SLC45A3: variants seen among roughly 807,000 people sequenced by gnomAD.
SLC45A3 encodes prostate cancer associated protein 2.
A neutral mutation model predicts 35.3 loss-of-function variants in SLC45A3; 17 were observed. That is an observed-to-expected ratio of 0.48 (90% CI 0.33 to 0.72). The LOEUF is 0.72. Ranked by LOEUF, SLC45A3 falls within the 30% of genes least tolerant of loss-of-function variation. The pLI is 0.02. For missense variants in SLC45A3, 597 were observed against 731.7 expected (o/e 0.82, Z 2.12); for synonymous variants, 288 against 334.3 (o/e 0.86, Z 1.51).
chr1:205,670,953 C>A (rs1553248196), intron 1 of SLC45A3, among the ~76,000 whole-genome samples: 1 of 152,320 alleles, frequency 6.6e-6, no homozygotes, highest in Admixed American at 6.5e-5. Context: ...TGTGTGAAAA[C>A]CCAACAGGTG....
At chr1:205,660,786 C>A (rs1452620201) in intron 4 of SLC45A3, among the ~76,000 whole-genome samples, 1 of 152,114 alleles carries the variant, frequency 6.6e-6, no homozygotes, top group Non-Finnish European at 1.5e-5. Context: ...TGCCAGCCCC[C>A]TGCCCCCAGC....
Position 205,664,974 on chromosome 1 carries a change from G to A in SLC45A3, c.-230-88C>T. 3 of 1,182,228 alleles carry A rather than the reference G, an allele frequency of 2.5e-6. No individual in the cohort carries two copies. Among genetic ancestry groups the A allele is most frequent in the Non-Finnish European group, 3.2e-6 (3 of 949,998 alleles). The allele number at this position is 1,182,228 out of a possible 1,614,324, so 73.2% of individuals were successfully genotyped here. On this transcript the variant is annotated intron_variant, in intron 1 of 4. Coordinates refer to ENST00000367145, the MANE Select transcript of SLC45A3 (RefSeq NM_033102.3). The surrounding 1 kb of genome is among the most constrained non-coding windows in gnomAD (Gnocchi z 5.3). ...ATTTGCTCTAAATTGTCTGGATCCTGATCATTCACAGGCTGGCGACTGGCC... is the reference window on the plus strand; with the variant it reads ...ATTTGCTCTAAATTGTCTGGATCCTAATCATTCACAGGCTGGCGACTGGCC...
In SLC45A3 at chr1:205,663,087, G is replaced by A; in HGVS notation, c.704C>T (p.Pro235Leu). 6.2e-7 allele frequency: 1 copy of A among 1,602,146 alleles called. No homozygotes were observed. The highest frequency in any genetic ancestry group is 1.1e-5 in the South Asian group (1 of 90,410). Residue 235 changes from proline to leucine, a missense_variant, in exon 3 of 5, where the codon CCC (proline) becomes CTC (leucine). Physicochemically the swap from Pro to Leu is moderately conservative, Grantham distance 98. Coordinates refer to ENST00000367145, the MANE Select transcript of SLC45A3 (RefSeq NM_033102.3). ...PTEPAEGLSAPSLSPHCCPCR... is the reference protein window; with the variant it reads ...PTEPAEGLSALSLSPHCCPCR... ...TGGACAGCAGTGGGGCGACAAGGAG[G>A]GGGCCGACAGCCCTTCTGCTGGCTC...
intron 4 of SLC45A3, 55 bp downstream of exon 4, chr1:205,661,806 C>G: frequency 1.3e-6 from 2 of 1,565,050 alleles, no homozygotes; most frequent in South Asian, 2.4e-5. Context: ...AGTTGGCCTC[C>G]CAAAAACCCA....
chr1:205,670,832 G>A, intron 1 of SLC45A3, among the ~76,000 whole-genome samples: 1 of 152,096 alleles, frequency 6.6e-6, no homozygotes, highest in East Asian at 1.9e-4. Context: ...TCCGGCTCCT[G>A]AGCCCGTCAC....
rs192618485 is a variant in SLC45A3 at position 205,674,432 on chromosome 1, C to T, written c.-231+5962G>A. Among the ~76,000 whole-genome samples, 397 of 151,374 alleles carry T rather than the reference C, an allele frequency of 2.6e-3. 2 individuals carry two copies. The South Asian group carries it at 0.029, about 11-fold the overall frequency. ...TAAAACCTCATCTCTACTAAAAATA[C>T]AAAAATTAGCTGGGTGTGGTGGCAC... On this transcript the variant is annotated intron_variant, in intron 1 of 4. Transcript: ENST00000367145.
In SLC45A3 at chr1:205,659,169, C is replaced by T; in HGVS notation, c.*65G>A. ...CGGCCAGCCCGGCAGCCCCATGGGG[C>T]TAACAGGAGCGGGGAGCTGGGACCC... On this transcript the variant is annotated 3_prime_UTR_variant, in exon 5 of 5. Coordinates refer to ENST00000367145, the MANE Select transcript of SLC45A3 (RefSeq NM_033102.3). This position sits in a 1 kb window ranked among gnomAD's most constrained non-coding sequence, Gnocchi z 5.8. 1 of 1,521,826 alleles carries T rather than the reference C, an allele frequency of 6.6e-7. No individual in the cohort carries two copies. The highest frequency in any genetic ancestry group is 8.9e-7 in the Non-Finnish European group (1 of 1,124,202). 94.3% of individuals were successfully genotyped at this position (1,521,826 alleles called of 1,614,324 possible). A position where few individuals can be genotyped will look rare whatever the true frequency, so the allele number is the denominator to read the frequency against.
chr1:205,674,210 T>C (rs1299282152), intron 1 of SLC45A3, among the ~76,000 whole-genome samples: 1 of 66,122 alleles, frequency 1.5e-5, no homozygotes, highest in Admixed American at 1.6e-4. Flanking sequence ...AATATAGGGG[T>C]GGGGGTGGGG....
rs2102401211 is a variant in SLC45A3, at chr1:205,659,098, G to A, written c.*136C>T. The A allele has an allele frequency of 1.1e-6, 1 of 872,122 alleles. No homozygotes were observed. The highest frequency in any genetic ancestry group is 1.7e-5 in the African/African-American group (1 of 58,874). The allele number at this position is 872,122 out of a possible 1,614,324, so 54.0% of individuals were successfully genotyped here. A position where few individuals can be genotyped will look rare whatever the true frequency, so the allele number is the denominator to read the frequency against. On this transcript the variant is annotated 3_prime_UTR_variant, in exon 5 of 5. Coordinates refer to ENST00000367145, the MANE Select transcript of SLC45A3 (RefSeq NM_033102.3). The surrounding 1 kb of genome is among the most constrained non-coding windows in gnomAD (Gnocchi z 5.8). The stretch of plus-strand genomic sequence containing the variant: ...TGCAGCTACGCACCTCAGCAGCACA[G>A]GGTGGCAGCAGAGAGCCACATTACT...
chr1:205,661,954 C>T lies in SLC45A3; in HGVS notation c.1131G>A (p.Val377=), dbSNP rs1298129388. 1 of 1,614,178 alleles carries T rather than the reference C, an allele frequency of 6.2e-7. No homozygotes were observed. Among genetic ancestry groups the T allele is most frequent in the Non-Finnish European group, 8.5e-7 (1 of 1,180,038 alleles). ...GATCLSHSVA[V]VTASAALTGF... is the part of the protein sequence containing the mutation. ...CGGTGAGGGCGGCTGAAGCTGTCAC[C>T]ACGGCCACACTGTGGGACAGGCATG... Residue 377 remains valine, a synonymous_variant, in exon 4 of 5, where the codon GTG becomes GTA. Coordinates refer to ENST00000367145, the MANE Select transcript of SLC45A3 (RefSeq NM_033102.3).
chr1:205,663,062 T>A lies in SLC45A3; in HGVS notation c.729A>T (p.Pro243=). The part of the protein sequence containing the change: ...SAPSLSPHCC[P]CRARLAFRNL... ...TCCGGAAAGCCAAGCGGGCCCGGCA[T>A]GGACAGCAGTGGGGCGACAAGGAGG... The change falls in exon 3 of 5, where the codon CCA becomes CCT. Residue 243 remains proline (P), a synonymous_variant. Transcript: ENST00000367145. 1 of 1,606,552 alleles carries A rather than the reference T, an allele frequency of 6.2e-7. No homozygotes were observed. Among genetic ancestry groups the A allele is most frequent in the Non-Finnish European group, 8.5e-7 (1 of 1,175,502 alleles).
intron 1 of SLC45A3, among the ~76,000 whole-genome samples, chr1:205,670,658 T>A (rs1671196166): frequency 6.6e-6 from 1 of 152,206 alleles, no homozygotes. Flanking sequence ...GCCTTCTGCT[T>A]AGCAGCTTGT....
chr1:205,663,008 G>C lies in SLC45A3; in HGVS notation c.783C>G (p.His261Gln). The change falls in exon 3 of 5, where the codon CAC becomes CAG. Residue 261 changes from histidine (H) to glutamine (Q), a missense_variant. His to Gln is a conservative substitution (Grantham distance 24). This residue lies in a region of SLC45A3 where 555 missense variants were observed against 664.9 expected (regional missense o/e 0.83). Coordinates refer to ENST00000367145, the MANE Select transcript of SLC45A3 (RefSeq NM_033102.3). ...TGCGGGGCATGCGGCAGCACAGCTG[G>C]TGCAGCCGGGGAAGCAGGGCGCCCA... ...RNLGALLPRL[H>Q]QLCCRMPRTL... 5.0e-6 allele frequency: 8 copies of C among 1,611,964 alleles called. No homozygotes were observed. The highest frequency in any genetic ancestry group is 6.8e-6 in the Non-Finnish European group (8 of 1,179,008).
chr1:205,662,525 A>G lies in SLC45A3; in HGVS notation c.958+308T>C. 1 of 1,293,000 alleles carries G rather than the reference A, an allele frequency of 7.7e-7. No homozygotes were observed. The highest frequency in any genetic ancestry group is 9.8e-7 in the Non-Finnish European group (1 of 1,021,816). 80.1% of individuals were successfully genotyped at this position (1,293,000 alleles called of 1,614,324 possible). A position where few individuals can be genotyped will look rare whatever the true frequency, so the allele number is the denominator to read the frequency against. ...CAGAGGGCACACTGCGGCTGGAACC[A>G]GGCAGATCTGAAATCCAGCCTTAAC... On this transcript the variant is annotated intron_variant, in intron 3 of 4. Coordinates refer to ENST00000367145, the MANE Select transcript of SLC45A3 (RefSeq NM_033102.3). The surrounding 1 kb of genome is among the most constrained non-coding windows in gnomAD (Gnocchi z 6.2).
chr1:205,679,477 C>T (rs972455596), intron 1 of SLC45A3, among the ~76,000 whole-genome samples: 4 of 152,096 alleles, frequency 2.6e-5, no homozygotes, highest in Non-Finnish European at 5.9e-5. Context: ...AGGGAGAAAG[C>T]ATGCAGGTCC....
chr1:205,676,883 C>T (rs1671322083), intron 1 of SLC45A3, among the ~76,000 whole-genome samples: 1 of 152,156 alleles, frequency 6.6e-6, no homozygotes, highest in South Asian at 2.1e-4. Flanking sequence ...AGACACTGGG[C>T]CTGGTACCAG....
intron 1 of SLC45A3, among the ~76,000 whole-genome samples, chr1:205,667,962 T>C (rs1201622030): frequency 6.6e-6 from 1 of 152,122 alleles, no homozygotes; most frequent in African/African-American, 2.4e-5. Flanking sequence ...CCAGAGATTC[T>C]TTACCTGGTA....
intron 1 of SLC45A3, among the ~76,000 whole-genome samples, chr1:205,679,436 C>A (rs1215646129): frequency 6.6e-6 from 1 of 152,026 alleles, no homozygotes; most frequent in Non-Finnish European, 1.5e-5. Context: ...CTGGGGGGAG[C>A]GGAAGACTAC....
chr1:205,663,341 G>A lies in SLC45A3; in HGVS notation c.450C>T (p.Leu150=). 1.2e-6 allele frequency: 2 copies of A among 1,613,444 alleles called. No homozygotes were observed. The highest frequency in any genetic ancestry group is 1.7e-5 in the Admixed American group (1 of 60,036). The part of the protein sequence containing the change: ...FTPLEALLSD[L]FRDPDHCRQA... ...GGCGACAGTGGTCCGGGTCCCGGAA[G>A]AGGTCAGAGAGCAGGGCCTCCAGTG... Residue 150 remains leucine, a synonymous_variant, in exon 3 of 5, where the codon CTC becomes CTT. Coordinates refer to ENST00000367145, the MANE Select transcript of SLC45A3 (RefSeq NM_033102.3).
Sources: allele counts gnomAD v4.1 joint callset (sites outside exome capture counted in the v4.1 genomes callset), GRCh38; gene constraint gnomAD v4.1.1; regional missense constraint gnomAD v4.1.1; non-coding constraint Gnocchi (gnomAD v3.1); transcripts MANE v1.5; gene names NCBI Gene and HGNC (gene_info 2026-07-23, HGNC 2026-07-21).